WDR86: variants seen among roughly 807,000 people sequenced by gnomAD.
The protein encoded by WDR86 is WD repeat domain 86, also known as WD repeat-containing protein 86.
A neutral mutation model predicts 36.5 loss-of-function variants in WDR86; 30 were observed. The observed-to-expected ratio is 0.82, with a 90% confidence interval of 0.61 to 1.11. The LOEUF is 1.11. WDR86 is among the 50% of genes most tolerant of loss of function. The probability of loss-of-function intolerance (pLI) is 0.00; values close to 1 mark genes in which losing one functional copy is unlikely to be tolerated. For synonymous variants in WDR86, 255 were observed against 252.9 expected (o/e 1.01, Z -0.08); for missense variants, 545 against 561.2 (o/e 0.97, Z 0.29).
chr7:151,369,100 C>T, the WDR86 span: 80 of 398,270 alleles, frequency 2.0e-4, no homozygotes, highest in African/African-American at 1.5e-3. Flanking sequence ...CTCCGCCTCC[C>T]GGGTTCAAGC....
chr7:151,383,961 A>G (rs949414848), intron 4 of WDR86, among the ~76,000 whole-genome samples: 1 of 152,236 alleles, frequency 6.6e-6, no homozygotes, highest in Non-Finnish European at 1.5e-5. Flanking sequence ...CTCGTGTTCA[A>G]TTAGAGGACC....
Position 151,401,632 on chromosome 7 carries a change from A to G in WDR86, c.164-1391T>C, listed in dbSNP as rs552792112. Reference sequence around the variant, plus strand: ...TGGTAGGCAGAATGACGGCCCCAAGACAGCAGGTCCTAATCCCTGGAACCT... The same window carrying G: ...TGGTAGGCAGAATGACGGCCCCAAGGCAGCAGGTCCTAATCCCTGGAACCT... On this transcript the variant is annotated intron_variant, in intron 1 of 5. Coordinates refer to ENST00000334493, the MANE Select transcript of WDR86 (RefSeq NM_198285.3). The surrounding 1 kb of genome is among the most constrained non-coding windows in gnomAD (Gnocchi z 4.3). Among the ~76,000 whole-genome samples, 2 of 152,264 alleles carry G rather than the reference A, an allele frequency of 1.3e-5. No individual in the cohort carries two copies. The highest frequency in any genetic ancestry group is 4.2e-4 in the South Asian group (2 of 4,818).
rs1179161646 is a variant in WDR86, at chr7:151,397,697, G to A, written c.306-1501C>T. On this transcript the variant is annotated intron_variant, in intron 2 of 5. Coordinates refer to ENST00000334493, the MANE Select transcript of WDR86 (RefSeq NM_198285.3). ...AAGAGCATAGCGGGAGGAAGAGGGTGTAGTGGGAGGAAGGGCATAGCGGGA... is the reference window on the plus strand; with the variant it reads ...AAGAGCATAGCGGGAGGAAGAGGGTATAGTGGGAGGAAGGGCATAGCGGGA... 2.6e-3 allele frequency among the ~76,000 whole-genome samples: 215 copies of A among 82,876 alleles called. 2 individuals carry two copies. The highest frequency in any genetic ancestry group is 6.2e-3 in the East Asian group (13 of 2,094). The allele number at this position is 82,876 out of a possible 152,430, so 54.4% of individuals were successfully genotyped here. A position where few individuals can be genotyped will look rare whatever the true frequency, so the allele number is the denominator to read the frequency against.
At chr7:151,399,964 C>G (rs1800160481) in intron 2 of WDR86, 136 bp downstream of exon 2, 1 of 784,254 alleles carries the variant, frequency 1.3e-6, no homozygotes, top group South Asian at 2.8e-5. Flanking sequence ...CTACTGACCA[C>G]CTCCCAGCTG....
Position 151,385,185 on chromosome 7 carries a change from C to T in WDR86, c.765G>A (p.Arg255=). 1 of 1,613,018 alleles carries T rather than the reference C, an allele frequency of 6.2e-7. No homozygotes were observed. Among genetic ancestry groups the T allele is most frequent in the Admixed American group, 1.7e-5 (1 of 60,034 alleles). ...NRLVYSGSAD[R]TVKCWLADTG... The stretch of plus-strand genomic sequence containing the variant: ...TGTCTGCCAGCCAGCACTTGACGGT[C>T]CTGTCCGCGCTGCCAGAGTACACGA... Residue 255 remains arginine, a synonymous_variant, in exon 4 of 6, where the codon AGG becomes AGA. Transcript: ENST00000334493.
chr7:151,407,517 A>T (rs7785613), intron 1 of WDR86, among the ~76,000 whole-genome samples: 3 of 152,104 alleles, frequency 2.0e-5, no homozygotes, highest in African/African-American at 2.4e-5. Flanking sequence ...CCAGCTGTGC[A>T]TAAGACCCAC....
chr7:151,400,063 A>T (rs769499008), intron 2 of WDR86, 37 bp downstream of exon 2: 1 of 1,507,792 alleles, frequency 6.6e-7, no homozygotes, highest in South Asian at 1.3e-5. Context: ...AAGCCTATGT[A>T]TGGTGAGACT....
rs1799331961 is a variant in WDR86, at chr7:151,390,344, C to T, written c.727-5121G>A. Among the ~76,000 whole-genome samples the T allele has an allele frequency of 6.6e-6, 1 of 152,196 alleles. No homozygotes were observed. ...CGCCAGGGGCAGCCATCGTGTGTCC[C>T]CACTTGGCAGATTGTGAAAAAGGAG... On this transcript the variant is annotated intron_variant, in intron 3 of 5. Coordinates refer to ENST00000334493, the MANE Select transcript of WDR86 (RefSeq NM_198285.3). The surrounding 1 kb of genome is among the most constrained non-coding windows in gnomAD (Gnocchi z 4.5).
At position 151,401,948 on chromosome 7, in the gene WDR86, C is replaced by T. The variant is rs895276303; in HGVS notation, c.164-1707G>A. Among the ~76,000 whole-genome samples the T allele has an allele frequency of 2.8e-5, 4 of 145,232 alleles. No homozygotes were observed. The highest frequency in any genetic ancestry group is 6.0e-5 in the Non-Finnish European group (4 of 67,214). On this transcript the variant is annotated intron_variant, in intron 1 of 5. Coordinates refer to ENST00000334493, the MANE Select transcript of WDR86 (RefSeq NM_198285.3). The surrounding 1 kb of genome is among the most constrained non-coding windows in gnomAD (Gnocchi z 4.3). ...CCTGTAATCCCAGCTACTCGGGAGG[C>T]TGAGGCAGAGAACTGCTTGAACCCG... is the stretch of plus-strand genomic sequence containing the variant.
downstream of WDR86, among the ~76,000 whole-genome samples, chr7:151,371,905 C>T (rs550555849): frequency 5.6e-4 from 85 of 152,312 alleles, no homozygotes; most frequent in African/African-American, 1.8e-3. Context: ...TGGGGTCTCA[C>T]CATGTTGCCC....
At chr7:151,380,114 G>A (rs1236971281), downstream of WDR86, among the ~76,000 whole-genome samples, 6 of 152,190 alleles carry the variant, frequency 3.9e-5, no homozygotes, top group East Asian at 3.9e-4. Context: ...GCATGGTGCC[G>A]TTTCTGCGGG....
chr7:151,376,956 A>C (rs980222857), downstream of WDR86: 4 of 1,414,984 alleles, frequency 2.8e-6, no homozygotes, highest in African/African-American at 4.3e-5. Flanking sequence ...TGTGGCCAGC[A>C]AGAGGCACAG....
intron 1 of WDR86, among the ~76,000 whole-genome samples, chr7:151,402,070 A>AAAAAAAAAAAAAAAAATATATATATATAT: frequency 2.0e-5 from 1 of 50,534 alleles, no homozygotes; most frequent in Non-Finnish European, 3.3e-5. Flanking sequence ...AAAAAAAAAA[A>AAAAAAAAAAAAAAAAATATATATATATAT]ATATATATAT....
In WDR86 at chr7:151,395,908, G is replaced by C; in HGVS notation, c.594C>G (p.Cys198Trp). Residue 198 changes from cysteine to tryptophan, a missense_variant, in exon 3 of 6, where the codon TGC becomes TGG. Transcript: ENST00000334493. ...TLRGHTGAVL[C>W]LVLDTPGHTA... The stretch of plus-strand genomic sequence containing the variant: ...TGTGGCCGGGCGTGTCTAGCACTAG[G>C]CACAGCACTGCACCCGTGTGGCCCC... 1 of 1,601,084 alleles carries C rather than the reference G, an allele frequency of 6.2e-7. No individual in the cohort carries two copies. Among genetic ancestry groups the C allele is most frequent in the Middle Eastern group, 2.0e-4 (1 of 5,108 alleles).
downstream of WDR86, chr7:151,376,396 G>C (rs1033976658): frequency 5.7e-6 from 3 of 530,044 alleles, no homozygotes; most frequent in African/African-American, 5.7e-5. Context: ...CTCTCAGCCC[G>C]AGGTCACTGC....
At chr7:151,370,205 G>A in the WDR86 span, among the ~76,000 whole-genome samples, 1 of 151,884 alleles carries the variant, frequency 6.6e-6, no homozygotes, top group Non-Finnish European at 1.5e-5. Flanking sequence ...TTCTGCCTTA[G>A]CCTTCTAAGT....
At chr7:151,395,521 ACACACACACACACACACG>A (rs1799753758) in intron 3 of WDR86, among the ~76,000 whole-genome samples, 1 of 106,970 alleles carries the variant, frequency 9.3e-6, no homozygotes, top group Non-Finnish European at 2.3e-5. Flanking sequence ...ACACACACAC[ACACACACACACACACACG>A]AGGACAGGGA....
chr7:151,402,494 G>A (rs1048864413), intron 1 of WDR86, among the ~76,000 whole-genome samples: 1 of 152,146 alleles, frequency 6.6e-6, no homozygotes, highest in Non-Finnish European at 1.5e-5. Flanking sequence ...AGCAGGGCTC[G>A]GCACCCCACT....
At chr7:151,399,408 C>T (rs565110026) in intron 2 of WDR86, among the ~76,000 whole-genome samples, 14 of 152,304 alleles carry the variant, frequency 9.2e-5, no homozygotes, top group African/African-American at 1.4e-4. Flanking sequence ...TGCCAGCCTG[C>T]GCCAGCCCTG....
Sources: gnomAD v4.1 joint callset for allele counts (sites outside exome capture counted in the v4.1 genomes callset) on GRCh38, gnomAD v4.1.1 for gene constraint, Gnocchi (gnomAD v3.1) non-coding constraint, MANE v1.5 for transcripts, NCBI Gene and HGNC (gene_info 2026-07-23, HGNC 2026-07-21) for gene names.